The following NSMCE2 variants were observed in gnomAD, a reference collection of about 807,000 sequenced individuals.
NSMCE2 encodes NSE2 SUMO ligase component of SMC5/6 complex, also known as E3 SUMO-protein ligase NSE2.
In NSMCE2, 24 loss-of-function variants were observed where a neutral mutation model predicts 23.8. That is an observed-to-expected ratio of 1.01 (90% confidence interval 0.73 to 1.42). The LOEUF is 1.42. NSMCE2 is among the 40% of genes most tolerant of loss of function. The pLI is 0.00. For synonymous variants in NSMCE2, 92 were observed against 94.1 expected (o/e 0.98, Z 0.13); for missense variants, 284 against 296.5 (o/e 0.96, Z 0.31).
intron 5 of NSMCE2, among the ~76,000 whole-genome samples, chr8:125,218,266 A>G (rs1291515131): frequency 6.6e-6 from 1 of 152,218 alleles, no homozygotes; most frequent in Non-Finnish European, 1.5e-5. Flanking sequence ...TATTCTACAG[A>G]TAATGCTGAG....
chr8:125,342,126 CTA>C (rs1830275771), intron 5 of NSMCE2, among the ~76,000 whole-genome samples: 1 of 152,128 alleles, frequency 6.6e-6, no homozygotes, highest in African/African-American at 2.4e-5. Flanking sequence ...TCTCAGCACT[CTA>C]TTTCTGTGTG....
chr8:125,182,350 T>C, intron 5 of NSMCE2, 94 bp downstream of exon 5: 1 of 956,376 alleles, frequency 1.0e-6, no homozygotes, highest in East Asian at 2.5e-5. Flanking sequence ...AAAGTTTGCT[T>C]ATCTGCTTGG....
At chr8:125,199,777 G>A (rs1349372905) in intron 5 of NSMCE2, among the ~76,000 whole-genome samples, 1 of 152,152 alleles carries the variant, frequency 6.6e-6, no homozygotes, top group Admixed American at 6.5e-5. Flanking sequence ...ACAGTGGGGT[G>A]TTAAAGTCTC....
chr8:125,189,840 T>A (rs750223814), intron 5 of NSMCE2, among the ~76,000 whole-genome samples: 1 of 152,236 alleles, frequency 6.6e-6, no homozygotes, highest in African/African-American at 2.4e-5. Flanking sequence ...AAACATATAG[T>A]ATATACAGCA....
chr8:125,161,279 A>AT (rs1393173780), intron 4 of NSMCE2, among the ~76,000 whole-genome samples: 1 of 151,450 alleles, frequency 6.6e-6, no homozygotes, highest in Non-Finnish European at 1.5e-5. Context: ...TAAGAATTTT[A>AT]TTTTTTTCTG....
At chr8:125,286,081 T>C (rs1453184226) in intron 5 of NSMCE2, among the ~76,000 whole-genome samples, 2 of 151,494 alleles carry the variant, frequency 1.3e-5, no homozygotes, top group Non-Finnish European at 2.9e-5. Context: ...AGAGTTAATT[T>C]GCACACCACT....
At chr8:125,201,846 C>T (rs2130860584) in intron 5 of NSMCE2, among the ~76,000 whole-genome samples, 1 of 152,342 alleles carries the variant, frequency 6.6e-6, no homozygotes, top group South Asian at 2.1e-4. Flanking sequence ...TGGTGGGCTC[C>T]CCCAAGTTCA....
intron 5 of NSMCE2, among the ~76,000 whole-genome samples, chr8:125,272,130 C>A (rs2131090994): frequency 6.6e-6 from 1 of 151,372 alleles, no homozygotes; most frequent in South Asian, 2.1e-4. Context: ...TCTCCTGCCT[C>A]AGCCTCCCGA....
chr8:125,271,183 C>G (rs1365521177), intron 5 of NSMCE2, among the ~76,000 whole-genome samples: 1 of 151,658 alleles, frequency 6.6e-6, no homozygotes, highest in Non-Finnish European at 1.5e-5. Flanking sequence ...ATTGCTTGAA[C>G]CTGGGAGGTG....
At chr8:125,206,547 A>G (rs1232495004) in intron 5 of NSMCE2, among the ~76,000 whole-genome samples, 1 of 152,232 alleles carries the variant, frequency 6.6e-6, no homozygotes, top group Non-Finnish European at 1.5e-5. Flanking sequence ...TAGAAGTAGT[A>G]TCTATAGGAT....
intron 5 of NSMCE2, among the ~76,000 whole-genome samples, chr8:125,314,842 A>T (rs769489345): frequency 1.3e-4 from 20 of 152,228 alleles, no homozygotes; most frequent in Non-Finnish European, 2.5e-4. Context: ...ATGCTGGATG[A>T]AGCCCTATGG....
At chr8:125,273,330 T>C (rs998256276) in intron 5 of NSMCE2, among the ~76,000 whole-genome samples, 4 of 152,244 alleles carry the variant, frequency 2.6e-5, no homozygotes, top group Admixed American at 2.6e-4. Context: ...ATAGTCATGT[T>C]ACAGTAAACT....
At chr8:125,316,582 CTTTT>C (rs1283583936) in intron 5 of NSMCE2, among the ~76,000 whole-genome samples, 1 of 151,846 alleles carries the variant, frequency 6.6e-6, no homozygotes, top group Non-Finnish European at 1.5e-5. Flanking sequence ...TTCTTTCTTT[CTTTT>C]CTTTTCTTTC....
intron 5 of NSMCE2, among the ~76,000 whole-genome samples, chr8:125,258,066 G>A (rs1410123528): frequency 1.3e-5 from 2 of 152,214 alleles, no homozygotes; most frequent in African/African-American, 2.4e-5. Flanking sequence ...TCATGTAGTA[G>A]CATCTATTCA....
At chr8:125,150,568 G>T (rs1820951562) in intron 3 of NSMCE2, among the ~76,000 whole-genome samples, 1 of 150,774 alleles carries the variant, frequency 6.6e-6, no homozygotes, top group Non-Finnish European at 1.5e-5. Flanking sequence ...TTTTAATAGA[G>T]ACTAGGTTTC....
At chr8:125,318,265 C>G (rs1829285423) in intron 5 of NSMCE2, among the ~76,000 whole-genome samples, 1 of 151,904 alleles carries the variant, frequency 6.6e-6, no homozygotes, top group Non-Finnish European at 1.5e-5. Flanking sequence ...AAAAACTAAC[C>G]AGATGTAGTG....
intron 1 of NSMCE2, among the ~76,000 whole-genome samples, chr8:125,100,991 T>C (rs762151479): frequency 6.6e-6 from 1 of 152,214 alleles, no homozygotes; most frequent in Non-Finnish European, 1.5e-5. Flanking sequence ...TGTGGTATTC[T>C]CATGCTAAAG....
rs187702381 is a variant in NSMCE2, at chr8:125,232,795, G to C, written c.418+50539G>C. 6.6e-3 allele frequency among the ~76,000 whole-genome samples: 1,007 copies of C among 152,064 alleles called. 9 individuals are homozygous for C. Among genetic ancestry groups the C allele is most frequent in the African/African-American group, 0.023 (973 of 41,444 alleles). On this transcript the variant is annotated intron_variant, in intron 5 of 7. Transcript: ENST00000287437. Reference sequence around the variant, plus strand: ...TTTTTTTAACCTTTTTGGATATGTAGAAATACTTTTAATATTCTTTTAAAA... The same window carrying C: ...TTTTTTTAACCTTTTTGGATATGTACAAATACTTTTAATATTCTTTTAAAA...
At chr8:125,300,727 G>A (rs1244141780) in intron 5 of NSMCE2, among the ~76,000 whole-genome samples, 1 of 152,174 alleles carries the variant, frequency 6.6e-6, no homozygotes, top group Non-Finnish European at 1.5e-5. Context: ...GGAGGTACAA[G>A]GTGCTTTGAG....
Sources: allele counts gnomAD v4.1 joint callset (sites outside exome capture counted in the v4.1 genomes callset), GRCh38; gene constraint gnomAD v4.1.1; transcripts MANE v1.5; gene names NCBI Gene and HGNC (gene_info 2026-07-23, HGNC 2026-07-21).